The following ITGB5 variants were observed in gnomAD, a reference collection of about 807,000 sequenced individuals.
The protein encoded by ITGB5 is integrin beta-5.
Under a neutral mutation model 84.8 loss-of-function variants are expected in ITGB5, and 38 were observed. The ratio of observed to expected loss-of-function variants is 0.45; its 90% confidence interval spans 0.35 to 0.59. The LOEUF (loss-of-function observed/expected upper bound fraction) is 0.59. ITGB5 is among the 20% of genes least tolerant of loss of function. The probability of loss-of-function intolerance (pLI) is 0.01; values close to 1 mark genes in which losing one functional copy is unlikely to be tolerated. For synonymous variants in ITGB5, 393 were observed against 414.4 expected, an observed-to-expected ratio of 0.95 and a Z score of 0.63; for missense variants, 905 against 1,034.5, an observed-to-expected ratio of 0.87 and a Z score of 1.72.
rs2063737298 is a variant in ITGB5, at chr3:124,764,399, A to G, written c.2296T>C (p.Tyr766His). The G allele has an allele frequency of 1.2e-6, 2 of 1,605,218 alleles. No individual in the cohort carries two copies. Among genetic ancestry groups the G allele is most frequent in the Non-Finnish European group, 1.7e-6 (2 of 1,172,524 alleles). Reference protein sequence around the residue: ...KFQSERSRARYEMASNPLYRK... With the variant: ...KFQSERSRARHEMASNPLYRK... ...ATTTCCCACGTGCTTACCATTTCAT[A>G]GCGGGCCCTGGATCGCTCGCTCTGA... The change falls in exon 14 of 15, where the codon TAT (tyrosine) becomes CAT (histidine). Residue 766 changes from tyrosine (Y) to histidine (H), a missense_variant. This residue lies in a region of ITGB5 where 133 missense variants were observed against 122.8 expected (regional missense o/e 1.08). Transcript: ENST00000296181.
At chr3:124,835,493 T>A (rs1243085721) in intron 5 of ITGB5, among the ~76,000 whole-genome samples, 1 of 152,128 alleles carries the variant, frequency 6.6e-6, no homozygotes, top group Admixed American at 6.5e-5. Flanking sequence ...TAATGGTGCT[T>A]CCCCAAAGAC....
At position 124,763,659 on chromosome 3, in the gene ITGB5, G is replaced by A. The variant is rs763006311; in HGVS notation, c.2364C>T (p.Asn788=). 4.4e-6 allele frequency: 7 copies of A among 1,608,484 alleles called. No homozygotes were observed. In the South Asian group the frequency reaches 6.6e-5, roughly 15 times the overall value. The change falls in exon 15 of 15, where the codon AAC becomes AAT. Residue 788 remains asparagine (N), a synonymous_variant. Coordinates refer to ENST00000296181, the MANE Select transcript of ITGB5 (RefSeq NM_002213.5). ...TGCCATTGTAGGATTTGTTGAACTT[G>A]TTGAAGGTGAAGTCCACAGTGTGCG... ...ISTHTVDFTF[N]KFNKSYNGTV...
chr3:124,764,291 G>T, intron 14 of ITGB5, 100 bp downstream of exon 14: 5 of 1,272,404 alleles, frequency 3.9e-6, no homozygotes, highest in Non-Finnish European at 5.4e-6. Context: ...TGTTTTTAAT[G>T]CCAAAGACAT....
In ITGB5 at chr3:124,881,194, G is replaced by A. The variant is rs184144927; in HGVS notation, c.70+5737C>T. 9.7e-4 allele frequency among the ~76,000 whole-genome samples: 148 copies of A among 152,020 alleles called. 1 individual carries two copies. The highest frequency in any genetic ancestry group is 3.4e-3 in the African/African-American group (140 of 41,504). ...AGACTGGATTTTGCCATGTTGGCCA[G>A]GGTGGTCTCGAACTCCTGACCTCAG... On this transcript the variant is annotated intron_variant, in intron 1 of 14. Transcript: ENST00000296181.
At chr3:124,849,909 T>C (rs2107605461) in intron 3 of ITGB5, among the ~76,000 whole-genome samples, 1 of 152,160 alleles carries the variant, frequency 6.6e-6, no homozygotes, top group East Asian at 1.9e-4. Context: ...TTGGGCTTAT[T>C]AACCTTTCAG....
chr3:124,893,975 C>T (rs1311101127), intron 1 of ITGB5, among the ~76,000 whole-genome samples: 2 of 152,020 alleles, frequency 1.3e-5, no homozygotes, highest in Non-Finnish European at 2.9e-5. Context: ...TCCGAAAATA[C>T]TCATTAATTA....
At chr3:124,884,438 C>T (rs1934712832) in intron 1 of ITGB5, among the ~76,000 whole-genome samples, 1 of 152,162 alleles carries the variant, frequency 6.6e-6, no homozygotes, top group African/African-American at 2.4e-5. Context: ...TGGTGGCTCA[C>T]ACCTGTAATC....
intron 10 of ITGB5, among the ~76,000 whole-genome samples, chr3:124,786,296 G>C (rs73197640): frequency 0.055 from 8,368 of 152,130 alleles, 325 homozygotes; most frequent in Non-Finnish European, 0.08. Context: ...CAACACTTTG[G>C]AAGGCTGAGA....
Position 124,770,592 on chromosome 3 carries a change from A to G in ITGB5, c.1917-1479T>C, listed in dbSNP as rs181790128. On this transcript the variant is annotated intron_variant, in intron 11 of 14. Transcript: ENST00000296181. ...AGCAGAACTGGACGGGAGCTCTGAG[A>G]CCATTTCACTAAGTCCCCTTTATTT... is the stretch of plus-strand genomic sequence containing the variant. 5.4e-3 allele frequency among the ~76,000 whole-genome samples: 815 copies of G among 152,246 alleles called. 5 individuals carry two copies. The highest frequency in any genetic ancestry group is 0.037 in the Middle Eastern group (11 of 294).
chr3:124,853,823 G>C (rs763648756), intron 3 of ITGB5, among the ~76,000 whole-genome samples: 1 of 152,162 alleles, frequency 6.6e-6, no homozygotes, highest in Non-Finnish European at 1.5e-5. Flanking sequence ...AGGGTACATA[G>C]AACATCTCTG....
At chr3:124,834,874 C>A (rs948277478) in intron 5 of ITGB5, among the ~76,000 whole-genome samples, 4 of 152,192 alleles carry the variant, frequency 2.6e-5, no homozygotes, top group African/African-American at 7.2e-5. Flanking sequence ...AGGCAGAGAG[C>A]CTTGCAACAG....
intron 9 of ITGB5, among the ~76,000 whole-genome samples, chr3:124,803,302 C>T (rs2064343710): frequency 6.6e-6 from 1 of 152,134 alleles, no homozygotes; most frequent in Admixed American, 6.5e-5. Context: ...ACTGTGGCCT[C>T]GGAAGCAGCC....
At chr3:124,828,232 T>A (rs2064811503) in intron 5 of ITGB5, among the ~76,000 whole-genome samples, 1 of 152,154 alleles carries the variant, frequency 6.6e-6, no homozygotes, top group South Asian at 2.1e-4. Flanking sequence ...TACAAAGACA[T>A]GAACATGAAC....
chr3:124,804,283 G>T (rs2064360321), intron 9 of ITGB5, among the ~76,000 whole-genome samples: 1 of 152,178 alleles, frequency 6.6e-6, no homozygotes, highest in Non-Finnish European at 1.5e-5. Flanking sequence ...CAGTAGTTTG[G>T]GAGGTCGAGG....
chr3:124,801,275 A>G (rs528780695), intron 9 of ITGB5, among the ~76,000 whole-genome samples: 4 of 152,126 alleles, frequency 2.6e-5, no homozygotes, highest in Non-Finnish European at 5.9e-5. Context: ...CTGACTCCCG[A>G]TGGTTGGTGT....
At chr3:124,895,736 C>G (rs1297035634) in intron 1 of ITGB5, among the ~76,000 whole-genome samples, 1 of 152,182 alleles carries the variant, frequency 6.6e-6, no homozygotes, top group East Asian at 1.9e-4. Flanking sequence ...CAGCCCAGGA[C>G]CCAGCTTTCA....
At chr3:124,779,327 G>C (rs1467768410) in intron 10 of ITGB5, among the ~76,000 whole-genome samples, 1 of 152,108 alleles carries the variant, frequency 6.6e-6, no homozygotes, top group Non-Finnish European at 1.5e-5. Flanking sequence ...TCAAAAGAGG[G>C]AGCAAAGGGG....
intron 10 of ITGB5, among the ~76,000 whole-genome samples, chr3:124,787,085 T>C (rs566806503): frequency 9.0e-4 from 137 of 152,326 alleles, no homozygotes; most frequent in Non-Finnish European, 1.7e-3. Flanking sequence ...GCTTTTTAAA[T>C]GTCATTATTT....
Position 124,815,085 on chromosome 3 carries a change from T to A in ITGB5, c.1128+2536A>T, listed in dbSNP as rs60326484. ...CACTAGGAAAATGAATGTAGATATA[T>A]GAGAAATCCTGCTCAGGGCTAAGCA... On this transcript the variant is annotated intron_variant, in intron 8 of 14. Coordinates refer to ENST00000296181, the MANE Select transcript of ITGB5 (RefSeq NM_002213.5). Among the ~76,000 whole-genome samples, 430 of 152,344 alleles carry A rather than the reference T, an allele frequency of 2.8e-3. 2 individuals are homozygous for A. Among genetic ancestry groups the A allele is most frequent in the African/African-American group, 0.01 (416 of 41,586 alleles).
Sources: allele counts gnomAD v4.1 joint callset (sites outside exome capture counted in the v4.1 genomes callset), GRCh38; gene constraint gnomAD v4.1.1; regional missense constraint gnomAD v4.1.1; transcripts MANE v1.5; gene names NCBI Gene and HGNC (gene_info 2026-07-23, HGNC 2026-07-21).